GPM6A: variants seen among roughly 807,000 people sequenced by gnomAD.
GPM6A encodes the protein glycoprotein M6A, also known as neuronal membrane glycoprotein M6-a.
A neutral mutation model predicts 32.1 loss-of-function variants in GPM6A; 7 were observed. The observed-to-expected ratio is 0.22, with a 90% confidence interval of 0.12 to 0.41. GPM6A has a LOEUF of 0.41. Among genes scored for constraint, GPM6A ranks in the 10% least tolerant of loss-of-function variants. The pLI, the probability that GPM6A is intolerant of heterozygous loss-of-function variation, is 1.00. For synonymous variants in GPM6A, 130 were observed against 123.4 expected (o/e 1.05, Z -0.35); for missense variants, 235 against 347.2 (o/e 0.68, Z 2.57).
rs149381894 is a variant in GPM6A, at chr4:175,720,087, C to T, written c.38-18320G>A. On this transcript the variant is annotated intron_variant, in intron 1 of 6. Coordinates refer to ENST00000393658, the MANE Select transcript of GPM6A (RefSeq NM_201591.3). Reference sequence around the variant, plus strand: ...AAATTCAGTCTTGACCAATTTATCCCATTGCCTAAATACTTAATGTCCTTT... The same window carrying T: ...AAATTCAGTCTTGACCAATTTATCCTATTGCCTAAATACTTAATGTCCTTT... 2.0e-3 allele frequency among the ~76,000 whole-genome samples: 307 copies of T among 152,312 alleles called. 1 individual carries two copies. Among genetic ancestry groups the T allele is most frequent in the African/African-American group, 6.4e-3 (268 of 41,562 alleles).
chr4:175,954,905 T>G (rs978959315), intron 1 of GPM6A, among the ~76,000 whole-genome samples: 5 of 152,180 alleles, frequency 3.3e-5, no homozygotes. Context: ...TTAACAGCAG[T>G]GCTGAGAAGG....
intron 3 of GPM6A, among the ~76,000 whole-genome samples, chr4:175,672,790 T>C (rs933383275): frequency 3.3e-5 from 5 of 152,146 alleles, no homozygotes; most frequent in African/African-American, 9.7e-5. Context: ...CCACTACAAA[T>C]ACCCACAACT....
intron 1 of GPM6A, among the ~76,000 whole-genome samples, chr4:175,952,958 G>A (rs1739863917): frequency 6.6e-6 from 1 of 151,452 alleles, no homozygotes; most frequent in African/African-American, 2.4e-5. Flanking sequence ...TGACCCCAGT[G>A]GGTAGAGGCT....
intron 1 of GPM6A, among the ~76,000 whole-genome samples, chr4:175,913,255 TAAAC>T (rs1210995259): frequency 1.3e-5 from 2 of 152,192 alleles, no homozygotes; most frequent in Non-Finnish European, 2.9e-5. Context: ...AGATGATTTG[TAAAC>T]AAACAGAATC....
intron 1 of GPM6A, among the ~76,000 whole-genome samples, chr4:175,773,443 T>C (rs1733269412): frequency 6.6e-6 from 1 of 151,990 alleles, no homozygotes; most frequent in Non-Finnish European, 1.5e-5. Context: ...AGAAATAAAA[T>C]CTCAACATTC....
intron 1 of GPM6A, among the ~76,000 whole-genome samples, chr4:175,860,835 A>G (rs1419487977): frequency 6.6e-6 from 1 of 152,156 alleles, no homozygotes; most frequent in Non-Finnish European, 1.5e-5. Context: ...TTTTTTGGCC[A>G]TGAGTATTTC....
At chr4:175,875,988 A>C (rs1390803015) in intron 1 of GPM6A, among the ~76,000 whole-genome samples, 1 of 152,244 alleles carries the variant, frequency 6.6e-6, no homozygotes, top group Non-Finnish European at 1.5e-5. Context: ...TAAAATAAGA[A>C]AAGTAAAAGC....
intron 1 of GPM6A, among the ~76,000 whole-genome samples, chr4:175,931,186 C>T (rs1739026992): frequency 6.6e-6 from 1 of 151,880 alleles, no homozygotes; most frequent in Admixed American, 6.6e-5. Flanking sequence ...TGCAGTGGTC[C>T]CATGAATAAT....
In GPM6A at chr4:175,710,352, T is replaced by C. The variant is rs890822665; in HGVS notation, c.38-8585A>G. The stretch of plus-strand genomic sequence containing the variant: ...TATAAAGTTACCTTCTAATTCTGAT[T>C]TGAGTGAATTCCACAAGTTCTGATA... On this transcript the variant is annotated intron_variant, in intron 1 of 6. Transcript: ENST00000393658. Among the ~76,000 whole-genome samples the C allele has an allele frequency of 2.0e-5, 3 of 152,316 alleles. No individual in the cohort carries two copies. The East Asian group carries it at 5.8e-4, about 29-fold the overall frequency.
chr4:175,875,852 C>A (rs1495707), intron 1 of GPM6A, among the ~76,000 whole-genome samples: 1 of 151,840 alleles, frequency 6.6e-6, no homozygotes, highest in East Asian at 1.9e-4. Context: ...TAAGTGCAAA[C>A]GGTATGGTGG....
intron 1 of GPM6A, among the ~76,000 whole-genome samples, chr4:175,975,810 T>C (rs1053407468): frequency 2.6e-5 from 4 of 152,162 alleles, no homozygotes; most frequent in Non-Finnish European, 5.9e-5. Flanking sequence ...TGAAAATTAG[T>C]TTATTAGTTA....
chr4:175,699,109 G>T (rs1441306837), intron 2 of GPM6A, among the ~76,000 whole-genome samples: 1 of 152,146 alleles, frequency 6.6e-6, no homozygotes, highest in African/African-American at 2.4e-5. Flanking sequence ...GGACATCTGT[G>T]ATGGTTTAAA....
intron 1 of GPM6A, among the ~76,000 whole-genome samples, chr4:175,928,131 T>C (rs1444920081): frequency 6.6e-6 from 1 of 152,240 alleles, no homozygotes. Flanking sequence ...CATACACTTA[T>C]ACTTTCCTTT....
chr4:175,980,511 T>A (rs1255083347), intron 1 of GPM6A, among the ~76,000 whole-genome samples: 1 of 152,236 alleles, frequency 6.6e-6, no homozygotes, highest in Non-Finnish European at 1.5e-5. Context: ...AGTTTTCATA[T>A]GTGTAAGATC....
intron 1 of GPM6A, among the ~76,000 whole-genome samples, chr4:175,798,838 A>G (rs1157976294): frequency 1.3e-5 from 2 of 152,092 alleles, no homozygotes; most frequent in Non-Finnish European, 2.9e-5. Flanking sequence ...AATACGGTGG[A>G]TTACTTCAGG....
At chr4:175,942,921 G>A (rs1739462094) in intron 1 of GPM6A, among the ~76,000 whole-genome samples, 1 of 152,000 alleles carries the variant, frequency 6.6e-6, no homozygotes, top group South Asian at 2.1e-4. Flanking sequence ...TGTGAAGAAA[G>A]TTAATGGTAT....
chr4:175,710,490 G>C (rs910530360), intron 1 of GPM6A, among the ~76,000 whole-genome samples: 1 of 148,478 alleles, frequency 6.7e-6, no homozygotes, highest in African/African-American at 2.5e-5. Flanking sequence ...TTTCAAATAT[G>C]AAAGCTTTTT....
intron 2 of GPM6A, among the ~76,000 whole-genome samples, chr4:175,676,735 G>T (rs1472668124): frequency 6.6e-6 from 1 of 151,856 alleles, no homozygotes; most frequent in Non-Finnish European, 1.5e-5. Flanking sequence ...AACAAAGTGA[G>T]AACCTATCTA....
intron 1 of GPM6A, among the ~76,000 whole-genome samples, chr4:175,917,583 G>A (rs767248087): frequency 2.4e-4 from 36 of 152,100 alleles, no homozygotes; most frequent in Admixed American, 1.3e-4. Flanking sequence ...TAGTGTGGGC[G>A]GCTATTAAAA....
Sources: gnomAD v4.1 joint callset for allele counts (sites outside exome capture counted in the v4.1 genomes callset) on GRCh38, gnomAD v4.1.1 for gene constraint, MANE v1.5 for transcripts, NCBI Gene and HGNC (gene_info 2026-07-23, HGNC 2026-07-21) for gene names.